The following PDE1A variants were observed in gnomAD, a reference collection of about 807,000 sequenced individuals.
The protein encoded by PDE1A is phosphodiesterase 1A.
Under a neutral mutation model 61.7 loss-of-function variants are expected in PDE1A, and 35 were observed. The observed-to-expected ratio is 0.57, with a 90% CI of 0.43 to 0.75. The LOEUF (loss-of-function observed/expected upper bound fraction) is 0.75, where lower values mean the gene tolerates loss of function less well. Among genes scored for constraint, PDE1A ranks in the 30% least tolerant of loss-of-function variants. The probability of loss-of-function intolerance (pLI) is 0.00; values close to 1 mark genes in which losing one functional copy is unlikely to be tolerated. For synonymous variants in PDE1A, 232 were observed against 213.2 expected (o/e 1.09, Z -0.77); for missense variants, 597 against 630.6 (o/e 0.95, Z 0.57).
chr2:182,276,713 T>G (rs1693438681), intron 1 of PDE1A, among the ~76,000 whole-genome samples: 1 of 152,088 alleles, frequency 6.6e-6, no homozygotes, highest in South Asian at 2.1e-4. Context: ...CATATTTTTC[T>G]TCTTGCAGAG....
intron 2 of PDE1A, among the ~76,000 whole-genome samples, chr2:182,262,795 G>A (rs901013137): frequency 1.2e-4 from 19 of 152,074 alleles, no homozygotes; most frequent in African/African-American, 2.2e-4. Flanking sequence ...GACTGTTTAC[G>A]TAGTATACTA....
chr2:182,329,262 T>C (rs976912644), intron 1 of PDE1A, among the ~76,000 whole-genome samples: 3 of 152,210 alleles, frequency 2.0e-5, no homozygotes, highest in Non-Finnish European at 4.4e-5. Context: ...GTTCCTTGAA[T>C]ATGTCAAAAT....
intron 2 of PDE1A, among the ~76,000 whole-genome samples, chr2:182,457,629 G>A (rs1686012302): frequency 6.6e-6 from 1 of 151,988 alleles, no homozygotes; most frequent in African/African-American, 2.4e-5. Context: ...TTAGAATAGT[G>A]TGATGACTGG....
chr2:182,382,312 A>C (rs1278377505), intron 1 of PDE1A, among the ~76,000 whole-genome samples: 1 of 152,242 alleles, frequency 6.6e-6, no homozygotes, highest in Non-Finnish European at 1.5e-5. Flanking sequence ...ACGTTTTGAC[A>C]AATGGTTTGA....
chr2:182,230,018 A>G (rs1427958413), exon 6 of PDE1A: 4 of 1,612,226 alleles, frequency 2.5e-6, no homozygotes, highest in Non-Finnish European at 2.5e-6. Flanking sequence ...TGATACCTGT[A>G]TGAAGCATTA....
At chr2:182,432,160 G>A (rs1703983704) in intron 2 of PDE1A, among the ~76,000 whole-genome samples, 1 of 152,036 alleles carries the variant, frequency 6.6e-6, no homozygotes, top group Non-Finnish European at 1.5e-5. Flanking sequence ...AAACTAAGAG[G>A]TTGGACCAGA....
At chr2:182,166,005 G>A (rs907476843), downstream of PDE1A, among the ~76,000 whole-genome samples, 2 of 152,204 alleles carry the variant, frequency 1.3e-5, no homozygotes, top group South Asian at 2.1e-4. Flanking sequence ...ATTAGTACAC[G>A]TTGGCTTGTA....
chr2:182,688,661 C>G, the PDE1A span, among the ~76,000 whole-genome samples: 128 of 152,274 alleles, frequency 8.4e-4, no homozygotes, highest in African/African-American at 2.9e-3. Flanking sequence ...ATGACAGGAT[C>G]AAATTCACAC....
the PDE1A span, among the ~76,000 whole-genome samples, chr2:182,712,460 C>CA: frequency 6.6e-6 from 1 of 152,124 alleles, no homozygotes; most frequent in African/African-American, 2.4e-5. Context: ...TGGGAGACAA[C>CA]GGGACAAGAA....
chr2:182,368,073 A>G (rs1192744605), intron 1 of PDE1A, among the ~76,000 whole-genome samples: 1 of 152,150 alleles, frequency 6.6e-6, no homozygotes, highest in African/African-American at 2.4e-5. Context: ...TAGTTTGCCA[A>G]TCTTTTCTCA....
the PDE1A span, among the ~76,000 whole-genome samples, chr2:182,554,987 G>C: frequency 6.6e-6 from 1 of 152,200 alleles, no homozygotes; most frequent in Non-Finnish European, 1.5e-5. Context: ...CAGAGAAATA[G>C]TTGAAATATT....
chr2:182,377,610 A>G (rs4643498), intron 1 of PDE1A, among the ~76,000 whole-genome samples: 96,398 of 152,032 alleles, frequency 0.63, 31,099 homozygotes, highest in East Asian at 0.96. Context: ...TTACAATTTT[A>G]GAAGTTAGTT....
chr2:182,303,629 T>C (rs1695387166), intron 1 of PDE1A, among the ~76,000 whole-genome samples: 1 of 152,210 alleles, frequency 6.6e-6, no homozygotes. Context: ...TAGCCCCTAA[T>C]AGTAGAGTCA....
At chr2:182,563,708 A>C in the PDE1A span, among the ~76,000 whole-genome samples, 5 of 151,974 alleles carry the variant, frequency 3.3e-5, no homozygotes, top group Non-Finnish European at 5.9e-5. Context: ...TTTGTAGGTC[A>C]CTCAGGACTT....
chr2:182,602,992 C>CAT, the PDE1A span, among the ~76,000 whole-genome samples: 951 of 130,476 alleles, frequency 7.3e-3, 10 homozygotes, highest in African/African-American at 0.019. Context: ...CACACACACA[C>CAT]ACATACATAC....
At chr2:182,480,750 A>G (rs1687651044) in intron 2 of PDE1A, among the ~76,000 whole-genome samples, 1 of 151,894 alleles carries the variant, frequency 6.6e-6, no homozygotes, top group African/African-American at 2.4e-5. Flanking sequence ...CCCCACGATA[A>G]TGAGGGATGA....
At chr2:182,318,562 G>A (rs1696496446) in intron 1 of PDE1A, among the ~76,000 whole-genome samples, 1 of 152,112 alleles carries the variant, frequency 6.6e-6, no homozygotes, top group Non-Finnish European at 1.5e-5. Flanking sequence ...ATTAAATGCT[G>A]CAATAGTAGC....
intron 2 of PDE1A, 22 bp downstream of exon 2, chr2:182,264,279 A>C (rs1692441899): frequency 1.3e-6 from 2 of 1,481,960 alleles, no homozygotes; most frequent in Non-Finnish European, 1.9e-6. Context: ...AGAAGATAAA[A>C]GAGAAGAAGG....
In PDE1A at chr2:182,219,976, C is replaced by A. The variant is rs568236675; in HGVS notation, c.776+3888G>T. 2.7e-3 allele frequency among the ~76,000 whole-genome samples: 407 copies of A among 152,076 alleles called. 1 individual carries two copies. Among genetic ancestry groups the A allele is most frequent in the African/African-American group, 9.6e-3 (398 of 41,506 alleles). On this transcript the variant is annotated intron_variant, in intron 7 of 13. Transcript: ENST00000351439. ...GAAATCTGGCATTTTATACAAGCAGCCTGTTTAAGATCTGTGTCTGATAGT... is the reference window on the plus strand; with the variant it reads ...GAAATCTGGCATTTTATACAAGCAGACTGTTTAAGATCTGTGTCTGATAGT...
Sources: gnomAD v4.1 joint callset for allele counts (sites outside exome capture counted in the v4.1 genomes callset) on GRCh38, gnomAD v4.1.1 for gene constraint, MANE v1.5 for transcripts, NCBI Gene and HGNC (gene_info 2026-07-23, HGNC 2026-07-21) for gene names.